UNC5A: variants seen among roughly 807,000 people sequenced by gnomAD.
UNC5A encodes netrin receptor UNC5A.
UNC5A carries 20 observed loss-of-function variants against 87.4 expected under a neutral mutation model. The ratio of observed to expected loss-of-function variants is 0.23; its 90% confidence interval spans 0.16 to 0.33. The LOEUF is 0.33. Ranked by LOEUF, UNC5A falls within the 10% of genes least tolerant of loss-of-function variation. The pLI is 1.00. For synonymous variants in UNC5A, 438 were observed against 482.3 expected (o/e 0.91, Z 1.20); for missense variants, 844 against 1,133.4 (o/e 0.74, Z 3.67).
chr5:176,840,339 G>A (rs1757245701), intron 1 of UNC5A, among the ~76,000 whole-genome samples: 1 of 152,176 alleles, frequency 6.6e-6, no homozygotes, highest in African/African-American at 2.4e-5. Context: ...CCCGCTGTGA[G>A]GGTGCAGGGA....
At chr5:176,835,419 C>A (rs1027102908) in intron 1 of UNC5A, among the ~76,000 whole-genome samples, 2 of 152,226 alleles carry the variant, frequency 1.3e-5, no homozygotes, top group African/African-American at 4.8e-5. Context: ...GGAGAAATCC[C>A]CATCCCGGAT....
chr5:176,858,763 G>GC, intron 1 of UNC5A, among the ~76,000 whole-genome samples: 2 of 136,880 alleles, frequency 1.5e-5, no homozygotes, highest in African/African-American at 5.6e-5. Context: ...AGGAAGGAAG[G>GC]AAGGAAGGAA....
intron 1 of UNC5A, among the ~76,000 whole-genome samples, chr5:176,812,591 C>T (rs533758977): frequency 6.6e-6 from 1 of 152,236 alleles, no homozygotes; most frequent in Non-Finnish European, 1.5e-5. Context: ...GGTGCTGCGG[C>T]CTGGAGCGGG....
rs796274075 is a variant in UNC5A, at chr5:176,824,680, C to T, written c.70+13860C>T. 6.6e-6 allele frequency among the ~76,000 whole-genome samples: 1 copy of T among 152,222 alleles called. No homozygotes were observed. Among genetic ancestry groups the T allele is most frequent in the Admixed American group, 6.5e-5 (1 of 15,286 alleles). On this transcript the variant is annotated intron_variant, in intron 1 of 14. Transcript: ENST00000329542. This position sits in a 1 kb window ranked among gnomAD's most constrained non-coding sequence, Gnocchi z 4.2. ...TTTTCCTGGGTGGCTGGGGCTGGAACCTGGATGCCACTTTGGCAGATGAAC... is the reference window on the plus strand; with the variant it reads ...TTTTCCTGGGTGGCTGGGGCTGGAATCTGGATGCCACTTTGGCAGATGAAC...
At chr5:176,846,110 G>A (rs745948170) in intron 1 of UNC5A, among the ~76,000 whole-genome samples, 22 of 152,188 alleles carry the variant, frequency 1.4e-4, no homozygotes, top group African/African-American at 2.2e-4. Context: ...TGGCTGAGGC[G>A]AAATGTTCTG....
Position 176,842,145 on chromosome 5 carries a change from C to T in UNC5A, c.71-20479C>T, listed in dbSNP as rs1231280948. Among the ~76,000 whole-genome samples, 9 of 152,332 alleles carry T rather than the reference C, an allele frequency of 5.9e-5. No individual in the cohort carries two copies. The South Asian group carries it at 1.9e-3, about 32-fold the overall frequency. On this transcript the variant is annotated intron_variant, in intron 1 of 14. Coordinates refer to ENST00000329542, the MANE Select transcript of UNC5A (RefSeq NM_133369.3). The stretch of plus-strand genomic sequence containing the variant: ...CCGGGAGGCGGAGTTTGCAGTGAGC[C>T]GAGATCGCACCACTGCACTCCAGCC...
At chr5:176,846,067 A>G (rs528213203) in intron 1 of UNC5A, among the ~76,000 whole-genome samples, 1 of 152,234 alleles carries the variant, frequency 6.6e-6, no homozygotes, top group Admixed American at 6.6e-5. Flanking sequence ...CTGTTTGCAC[A>G]GGGAGCTGGT....
chr5:176,842,580 G>C (rs1757303045), intron 1 of UNC5A, among the ~76,000 whole-genome samples: 1 of 152,074 alleles, frequency 6.6e-6, no homozygotes, highest in Non-Finnish European at 1.5e-5. Context: ...TGAGACTGGA[G>C]ACTATAAGTG....
intron 6 of UNC5A, 85 bp from the exon 7 acceptor site, chr5:176,873,883 C>T: frequency 1.4e-6 from 2 of 1,468,312 alleles, no homozygotes; most frequent in Non-Finnish European, 1.8e-6. Flanking sequence ...GTGCAGACCT[C>T]ATCCTCCTGG....
At chr5:176,858,775 G>GAAGGAAGGAAGA (rs59486336) in intron 1 of UNC5A, among the ~76,000 whole-genome samples, 1 of 47,456 alleles carries the variant, frequency 2.1e-5, no homozygotes, top group East Asian at 4.8e-4. Flanking sequence ...AGGAAGGAAG[G>GAAGGAAGGAAGA]CAAGCAAGCA....
intron 1 of UNC5A, among the ~76,000 whole-genome samples, chr5:176,839,816 T>C (rs1299816292): frequency 7.1e-6 from 1 of 141,618 alleles, no homozygotes; most frequent in East Asian, 2.0e-4. Context: ...CCTTTTTTTT[T>C]TTTTTTTTTT....
At chr5:176,867,757 C>G (rs1758009775) in intron 2 of UNC5A, among the ~76,000 whole-genome samples, 2 of 152,168 alleles carry the variant, frequency 1.3e-5, no homozygotes, top group African/African-American at 4.8e-5. Flanking sequence ...TCTGCCCCAC[C>G]CCTTCTGCCT....
At chr5:176,836,229 A>G (rs146673907) in intron 1 of UNC5A, among the ~76,000 whole-genome samples, 3 of 152,342 alleles carry the variant, frequency 2.0e-5, no homozygotes, top group East Asian at 1.9e-4. Flanking sequence ...CAGGCTGGAC[A>G]TGATGCGAAG....
At chr5:176,849,569 C>T (rs906727767) in intron 1 of UNC5A, among the ~76,000 whole-genome samples, 1 of 152,044 alleles carries the variant, frequency 6.6e-6, no homozygotes, top group Non-Finnish European at 1.5e-5. Flanking sequence ...TGGGCAACTG[C>T]GTCTCAAAAA....
At position 176,865,823 on chromosome 5, in the gene UNC5A, C is replaced by T. The variant is rs2149365397; in HGVS notation, c.293-2307C>T. 1 of 366,324 alleles carries T rather than the reference C, an allele frequency of 2.7e-6. No homozygotes were observed. The highest frequency in any genetic ancestry group is 2.0e-5 in the South Asian group (1 of 49,294). 22.7% of individuals were successfully genotyped at this position (366,324 alleles called of 1,614,324 possible). The stretch of plus-strand genomic sequence containing the variant: ...CACCCAGGAGAGCACCTACTTCCCT[C>T]TCGTTTGCCCTCATTCCTCACCCAG... On this transcript the variant is annotated intron_variant, in intron 2 of 14. Transcript: ENST00000329542. This position sits in a 1 kb window ranked among gnomAD's most constrained non-coding sequence, Gnocchi z 5.3.
intron 1 of UNC5A, among the ~76,000 whole-genome samples, chr5:176,817,711 T>A (rs1200932717): frequency 1.3e-5 from 2 of 151,906 alleles, no homozygotes; most frequent in African/African-American, 2.4e-5. Flanking sequence ...GGCCGGCGGA[T>A]CTGCGGGGCA....
chr5:176,866,281 G>A lies in UNC5A; in HGVS notation c.293-1849G>A, dbSNP rs938520424. Reference sequence around the variant, plus strand: ...GGGTAGGGCCGGGTCTGCAGCCCCCGCCTCAGGCACTGCCCTCCAGGAGCT... The same window carrying A: ...GGGTAGGGCCGGGTCTGCAGCCCCCACCTCAGGCACTGCCCTCCAGGAGCT... On this transcript the variant is annotated intron_variant, in intron 2 of 14. Coordinates refer to ENST00000329542, the MANE Select transcript of UNC5A (RefSeq NM_133369.3). The surrounding 1 kb of genome is among the most constrained non-coding windows in gnomAD (Gnocchi z 5.0). Among the ~76,000 whole-genome samples, 3 of 152,160 alleles carry A rather than the reference G, an allele frequency of 2.0e-5. No individual in the cohort carries two copies. The highest frequency in any genetic ancestry group is 1.9e-4 in the East Asian group (1 of 5,186).
In UNC5A at chr5:176,868,594, C is replaced by A; in HGVS notation, c.470C>A (p.Ala157Asp). The A allele has an allele frequency of 6.2e-7, 1 of 1,606,688 alleles. No homozygotes were observed. The highest frequency in any genetic ancestry group is 1.7e-5 in the Admixed American group (1 of 58,678). Residue 157 changes from alanine (A) to aspartate (D), a missense_variant, in exon 4 of 15, where the codon GCC (alanine) becomes GAC (aspartate). Ala to Asp is a moderately radical substitution (Grantham distance 126, BLOSUM62 -2). This residue lies in a region of UNC5A where 314 missense variants were observed against 466.5 expected (regional missense o/e 0.67). Coordinates refer to ENST00000329542, the MANE Select transcript of UNC5A (RefSeq NM_133369.3). ...AAGAACTTCGAGCAGGAGCCGCTGGCCAAGGAGGTGTCCCTGGAGCAGGGC... is the reference window on the plus strand; with the variant it reads ...AAGAACTTCGAGCAGGAGCCGCTGGACAAGGAGGTGTCCCTGGAGCAGGGC... ...LRKNFEQEPLAKEVSLEQGIV... is the reference protein window; with the variant it reads ...LRKNFEQEPLDKEVSLEQGIV...
At chr5:176,822,381 G>A (rs1011576472) in intron 1 of UNC5A, among the ~76,000 whole-genome samples, 11 of 152,250 alleles carry the variant, frequency 7.2e-5, no homozygotes, top group East Asian at 1.9e-4. Flanking sequence ...CAGGATCTTC[G>A]ATTGATGAAA....
Sources: gnomAD v4.1 joint callset for allele counts (sites outside exome capture counted in the v4.1 genomes callset) on GRCh38, gnomAD v4.1.1 for gene constraint, gnomAD v4.1.1 regional missense constraint, Gnocchi (gnomAD v3.1) non-coding constraint, MANE v1.5 for transcripts, NCBI Gene and HGNC (gene_info 2026-07-23, HGNC 2026-07-21) for gene names.